PHF3: variants seen among roughly 807,000 people sequenced by gnomAD.
The protein encoded by PHF3 is PHD finger protein 3.
Under a neutral mutation model 178.4 loss-of-function variants are expected in PHF3, and 41 were observed. The ratio of observed to expected loss-of-function variants is 0.23; its 90% confidence interval spans 0.18 to 0.30. The LOEUF (loss-of-function observed/expected upper bound fraction) is 0.30, where lower values mean the gene tolerates loss of function less well. Ranked by LOEUF, PHF3 falls within the 10% of genes least tolerant of loss-of-function variation. PHF3 has a pLI of 1.00. For synonymous variants in PHF3, 842 were observed against 800.5 expected (o/e 1.05, Z -0.88); for missense variants, 2,346 against 2,398.1 (o/e 0.98, Z 0.45).
intron 1 of PHF3, among the ~76,000 whole-genome samples, chr6:63,640,724 AATTTC>A (rs1167376082): frequency 6.6e-6 from 1 of 152,204 alleles, no homozygotes; most frequent in African/African-American, 2.4e-5. Flanking sequence ...CTTTGATCCT[AATTTC>A]ATTTTATTTC....
At chr6:63,661,714 A>G (rs1765472465) in intron 2 of PHF3, among the ~76,000 whole-genome samples, 1 of 152,178 alleles carries the variant, frequency 6.6e-6, no homozygotes, top group Non-Finnish European at 1.5e-5. Context: ...TAATATATTG[A>G]TAAGAAGATG....
rs1766593583 is a variant in PHF3, at chr6:63,684,617, T to G, written c.895T>G (p.Ser299Ala). ...TAAAGAAGAACATGAACAAAATGAT[T>G]CCATTTCAGGTAAAACGGGTGAGAC... is the stretch of plus-strand genomic sequence containing the variant. ...SDKEEHEQNDSISGKTGETVV... is the reference protein window; with the variant it reads ...SDKEEHEQNDAISGKTGETVV... Residue 299 changes from serine (S) to alanine (A), a missense_variant, in exon 4 of 16, where the codon TCC (serine) becomes GCC (alanine). Physicochemically the swap from Ser to Ala is moderately conservative, Grantham distance 99. Around this residue, in one of 8 missense-constraint regions of PHF3, gnomAD observed 843 missense variants for 795.2 expected, o/e 1.06. Coordinates refer to ENST00000262043, the MANE Select transcript of PHF3 (RefSeq NM_001370348.2). 1.9e-6 allele frequency: 3 copies of G among 1,613,786 alleles called. No homozygotes were observed. The highest frequency in any genetic ancestry group is 2.5e-6 in the Non-Finnish European group (3 of 1,179,920).
rs780524596 is a variant in PHF3, at chr6:63,721,118, A to G, written c.*7410A>G. On this transcript the variant is annotated 3_prime_UTR_variant, in exon 16 of 16. Coordinates refer to ENST00000262043, the MANE Select transcript of PHF3 (RefSeq NM_001370348.2). Reference sequence around the variant, plus strand: ...TGAACTGGAGGTTTCTCATTCTATAATTTGGATCAATGTATTTAATGTAAG... The same window carrying G: ...TGAACTGGAGGTTTCTCATTCTATAGTTTGGATCAATGTATTTAATGTAAG... The G allele has an allele frequency of 1.9e-6, 3 of 1,551,452 alleles. No individual in the cohort carries two copies. In the South Asian group the frequency reaches 3.6e-5, roughly 18 times the overall value.
rs1768165165 is a variant in PHF3 at position 63,715,650 on chromosome 6, T to TA, written c.*1943dup. Among the ~76,000 whole-genome samples the TA allele has an allele frequency of 6.6e-6, 1 of 152,170 alleles. No homozygotes were observed. The highest frequency in any genetic ancestry group is 1.5e-5 in the Non-Finnish European group (1 of 68,026). ...TTAATCAGTTCTGATCGAATCTTGA[T>TA]ACATGTTTTTAAAATAGGCAAGGCC... On this transcript the variant is annotated 3_prime_UTR_variant, in exon 16 of 16. Coordinates refer to ENST00000262043, the MANE Select transcript of PHF3 (RefSeq NM_001370348.2).
intron 4 of PHF3, 128 bp downstream of exon 4, chr6:63,686,039 G>T (rs1371534229): frequency 6.4e-5 from 40 of 622,004 alleles, no homozygotes; most frequent in Non-Finnish European, 7.2e-5. Context: ...AAAACAAAAA[G>T]CTTCATCAGT....
Position 63,688,718 on chromosome 6 carries a change from T to G in PHF3, c.2189+2807T>G, listed in dbSNP as rs375283355. The stretch of plus-strand genomic sequence containing the variant: ...TACATTGTGCTTGTATACATTTCGT[T>G]TACTCAGAAAATGCACCTGTCATGC... On this transcript the variant is annotated intron_variant, in intron 4 of 15. Transcript: ENST00000262043. Among the ~76,000 whole-genome samples, 9 of 152,174 alleles carry G rather than the reference T, an allele frequency of 5.9e-5. No homozygotes were observed. In the East Asian group the frequency reaches 9.7e-4, roughly 16 times the overall value.
At chr6:63,687,785 TTTG>T (rs1478415718) in intron 4 of PHF3, among the ~76,000 whole-genome samples, 2 of 152,198 alleles carry the variant, frequency 1.3e-5, no homozygotes, top group African/African-American at 2.4e-5. Context: ...TGTTAGTCCC[TTTG>T]TTGTTGTTTA....
Position 63,721,480 on chromosome 6 carries a change from C to T in PHF3, c.*7772C>T. On this transcript the variant is annotated 3_prime_UTR_variant, in exon 16 of 16. Coordinates refer to ENST00000262043, the MANE Select transcript of PHF3 (RefSeq NM_001370348.2). The stretch of plus-strand genomic sequence containing the variant: ...TGTAATTCTTGATTATTTATGATAA[C>T]TTGTCGGATACAGCCTTGAAAACCT... The T allele has an allele frequency of 6.4e-7, 1 of 1,551,636 alleles. No individual in the cohort carries two copies. The highest frequency in any genetic ancestry group is 8.7e-7 in the Non-Finnish European group (1 of 1,146,890).
At position 63,721,252 on chromosome 6, in the gene PHF3, A is replaced by G. The variant is rs373203896; in HGVS notation, c.*7544A>G. 54 of 1,551,818 alleles carry G rather than the reference A, an allele frequency of 3.5e-5. No homozygotes were observed. The highest frequency in any genetic ancestry group is 4.6e-5 in the Non-Finnish European group (53 of 1,146,986). On this transcript the variant is annotated 3_prime_UTR_variant, in exon 16 of 16. Transcript: ENST00000262043. The stretch of plus-strand genomic sequence containing the variant: ...TAAGAAAATGATTGGTCAGGTATAC[A>G]TAAAGATTGGTGGAGGCAAAGATTA...
intron 1 of PHF3, among the ~76,000 whole-genome samples, chr6:63,638,409 C>T (rs957379420): frequency 2.0e-5 from 3 of 152,044 alleles, no homozygotes; most frequent in African/African-American, 7.2e-5. Context: ...TCTTCCTTAA[C>T]ATGGTGGGAT....
intron 2 of PHF3, among the ~76,000 whole-genome samples, chr6:63,657,898 A>AT (rs1765304652): frequency 6.6e-6 from 1 of 152,216 alleles, no homozygotes; most frequent in Non-Finnish European, 1.5e-5. Context: ...TTGCTGTGGG[A>AT]TAAGTAGGCT....
Position 63,643,722 on chromosome 6 carries a change from C to A in PHF3, c.-25-2805C>A, listed in dbSNP as rs1425301361. ...TTTTCCGGATAATGCCTGTTTAAAT[C>A]TGGGGAAGCATACTTCATAAGTCAT... On this transcript the variant is annotated intron_variant, in intron 1 of 15. Transcript: ENST00000262043. 2.0e-5 allele frequency among the ~76,000 whole-genome samples: 3 copies of A among 152,100 alleles called. No individual in the cohort carries two copies. The East Asian group carries it at 5.8e-4, about 29-fold the overall frequency.
intron 1 of PHF3, among the ~76,000 whole-genome samples, chr6:63,638,955 G>T (rs564680598): frequency 6.6e-6 from 1 of 152,140 alleles, no homozygotes; most frequent in South Asian, 2.1e-4. Context: ...CCCTGAGGCT[G>T]TTTCTATTCT....
chr6:63,676,909 T>C lies in PHF3; in HGVS notation c.245-3091T>C, dbSNP rs147733127. On this transcript the variant is annotated intron_variant, in intron 2 of 15. Coordinates refer to ENST00000262043, the MANE Select transcript of PHF3 (RefSeq NM_001370348.2). The stretch of plus-strand genomic sequence containing the variant: ...GAGTAGCATGTTAGCTGGTCAGATG[T>C]GTGATACATTTTGAAGATAAAGCTA... Among the ~76,000 whole-genome samples, 965 of 152,232 alleles carry C rather than the reference T, an allele frequency of 6.3e-3. 9 individuals carry two copies. Among genetic ancestry groups the C allele is most frequent in the African/African-American group, 0.022 (902 of 41,538 alleles).
At chr6:63,643,712 C>T (rs2149536905) in intron 1 of PHF3, among the ~76,000 whole-genome samples, 1 of 152,238 alleles carries the variant, frequency 6.6e-6, no homozygotes, top group African/African-American at 2.4e-5. Flanking sequence ...CGGATAATGC[C>T]TGTTTAAATC....
In PHF3 at chr6:63,684,850, A is replaced by G; in HGVS notation, c.1128A>G (p.Glu376=). Residue 376 remains glutamate, a synonymous_variant, in exon 4 of 16, where the codon GAA becomes GAG. Coordinates refer to ENST00000262043, the MANE Select transcript of PHF3 (RefSeq NM_001370348.2). Reference sequence around the variant, plus strand: ...ATGAAGTGACTGAATGTAATTTGGAATTGAAGGATACCATGGGTATTGCTG... The same window carrying G: ...ATGAAGTGACTGAATGTAATTTGGAGTTGAAGGATACCATGGGTATTGCTG... The part of the protein sequence containing the change: ...CVDEVTECNL[E]LKDTMGIADK... The G allele has an allele frequency of 6.2e-7, 1 of 1,613,974 alleles. No homozygotes were observed. Among genetic ancestry groups the G allele is most frequent in the Non-Finnish European group, 8.5e-7 (1 of 1,179,876 alleles).
chr6:63,691,682 A>G (rs1174972657), intron 4 of PHF3, 55 bp from the exon 5 acceptor site: 5 of 1,406,412 alleles, frequency 3.6e-6, no homozygotes, highest in Admixed American at 2.3e-5. Context: ...CATTTTTGAC[A>G]TAGATTTTCT....
At chr6:63,650,956 C>G (rs1163036871) in intron 2 of PHF3, among the ~76,000 whole-genome samples, 1 of 152,086 alleles carries the variant, frequency 6.6e-6, no homozygotes, top group Non-Finnish European at 1.5e-5. Flanking sequence ...TTAATTAGAT[C>G]TCTGAATCCA....
At position 63,685,565 on chromosome 6, in the gene PHF3, C is replaced by G. The variant is rs1766655909; in HGVS notation, c.1843C>G (p.Gln615Glu). 1.2e-6 allele frequency: 2 copies of G among 1,614,080 alleles called. No individual in the cohort carries two copies. Among genetic ancestry groups the G allele is most frequent in the African/African-American group, 1.3e-5 (1 of 75,030 alleles). ...GCLKEPHHPAQTGHVSHSSQK... is the reference protein window; with the variant it reads ...GCLKEPHHPAETGHVSHSSQK... ...CTTGAAAGAACCTCATCATCCTGCA[C>G]AAACTGGACATGTATCACATTCTAG... is the stretch of plus-strand genomic sequence containing the variant. The change falls in exon 4 of 16, where the codon CAA becomes GAA. Residue 615 changes from glutamine (Q) to glutamate (E), a missense_variant. Around this residue, in one of 8 missense-constraint regions of PHF3, gnomAD observed 843 missense variants for 795.2 expected, o/e 1.06. Transcript: ENST00000262043.
Sources: gnomAD v4.1 joint callset for allele counts (sites outside exome capture counted in the v4.1 genomes callset) on GRCh38, gnomAD v4.1.1 for gene constraint, gnomAD v4.1.1 regional missense constraint, MANE v1.5 for transcripts, NCBI Gene and HGNC (gene_info 2026-07-23, HGNC 2026-07-21) for gene names.